The following USP28 variants were observed in gnomAD, a reference collection of about 807,000 sequenced individuals.
The protein encoded by USP28 is ubiquitin specific peptidase 28, also known as ubiquitin carboxyl-terminal hydrolase 28.
USP28 carries 113 observed loss-of-function variants against 145.0 expected under a neutral mutation model. The observed-to-expected ratio is 0.78, with a 90% CI of 0.67 to 0.91. The LOEUF is 0.91. Ranked by LOEUF, USP28 falls within the 40% of genes least tolerant of loss-of-function variation. The pLI is 0.00. For missense variants in USP28, 1,201 were observed against 1,289.6 expected (o/e 0.93, Z 1.05); for synonymous variants, 447 against 450.9 (o/e 0.99, Z 0.11).
exon 22 of USP28, chr11:113,803,820 G>A: frequency 6.2e-7 from 1 of 1,613,912 alleles, no homozygotes; most frequent in Non-Finnish European, 8.5e-7. Context: ...TAGAGTTCTA[G>A]GCCTGTTAGG....
intron 1 of USP28, 101 bp downstream of exon 1, chr11:113,875,344 G>A: frequency 2.0e-6 from 2 of 998,164 alleles, no homozygotes; most frequent in South Asian, 4.8e-5. Flanking sequence ...CCCGGCCGGG[G>A]CGCCCTCCGC....
At chr11:113,862,304 G>A (rs530477225) in intron 1 of USP28, among the ~76,000 whole-genome samples, 14 of 152,286 alleles carry the variant, frequency 9.2e-5, no homozygotes, top group East Asian at 5.8e-4. Context: ...CTGAGACTGC[G>A]CCACTGTACT....
rs772645839 is a variant in USP28, at chr11:113,808,154, G to A, written c.2304+144C>T. 1.3e-6 allele frequency: 2 copies of A among 1,518,954 alleles called. No homozygotes were observed. Among genetic ancestry groups the A allele is most frequent in the Admixed American group, 4.1e-5 (2 of 48,378 alleles). 94.1% of individuals were successfully genotyped at this position (1,518,954 alleles called of 1,614,324 possible). On this transcript the variant is annotated intron_variant, in intron 18 of 24. Transcript: ENST00000003302. Reference sequence around the variant, plus strand: ...TCTTTAAGCTGTGGCAGCAGAGTGGGGAGAAAGAGTAAGAAAAAACAGGAG... The same window carrying A: ...TCTTTAAGCTGTGGCAGCAGAGTGGAGAGAAAGAGTAAGAAAAAACAGGAG...
At chr11:113,870,338 G>A (rs990907250) in intron 1 of USP28, among the ~76,000 whole-genome samples, 1 of 152,116 alleles carries the variant, frequency 6.6e-6, no homozygotes, top group East Asian at 1.9e-4. Flanking sequence ...ACCAGCCTGG[G>A]CAACATAGCA....
intron 7 of USP28, 53 bp downstream of exon 7, chr11:113,833,367 A>G (rs1944228024): frequency 6.3e-7 from 1 of 1,599,344 alleles, no homozygotes; most frequent in Non-Finnish European, 8.5e-7. Context: ...GCAGTACCGC[A>G]TTAACACTGA....
At chr11:113,823,350 G>C (rs147401586) in intron 12 of USP28, among the ~76,000 whole-genome samples, 2 of 152,118 alleles carry the variant, frequency 1.3e-5, no homozygotes, top group Non-Finnish European at 2.9e-5. Flanking sequence ...TCAGAACTCA[G>C]TTTCTCCTTG....
intron 3 of USP28, among the ~76,000 whole-genome samples, chr11:113,851,299 C>T (rs1946416970): frequency 6.6e-6 from 1 of 152,158 alleles, no homozygotes; most frequent in Non-Finnish European, 1.5e-5. Context: ...AAAGGCTACC[C>T]ACCTAACTCA....
At chr11:113,808,833 C>A (rs142600970) in intron 17 of USP28, among the ~76,000 whole-genome samples, 1 of 152,234 alleles carries the variant, frequency 6.6e-6, no homozygotes, top group African/African-American at 2.4e-5. Context: ...AAACTATATA[C>A]ACAGTGAAGG....
chr11:113,867,396 A>C (rs1432005945), intron 1 of USP28, among the ~76,000 whole-genome samples: 1 of 152,012 alleles, frequency 6.6e-6, no homozygotes, highest in African/African-American at 2.4e-5. Context: ...CCTCCCAAGT[A>C]GCTGGAATTA....
At chr11:113,874,193 T>C (rs1299916990) in intron 1 of USP28, among the ~76,000 whole-genome samples, 2 of 147,830 alleles carry the variant, frequency 1.4e-5, no homozygotes, top group African/African-American at 5.0e-5. Flanking sequence ...GGCTCACGCC[T>C]GTAATCCCAG....
chr11:113,843,671 CAAAAAAA>C (rs573054023), intron 3 of USP28, among the ~76,000 whole-genome samples: 1 of 61,936 alleles, frequency 1.6e-5, no homozygotes. Context: ...AACTCTATCT[CAAAAAAA>C]AAAAAAAAAA....
chr11:113,859,022 A>G (rs1302715175), intron 1 of USP28, among the ~76,000 whole-genome samples: 1 of 152,222 alleles, frequency 6.6e-6, no homozygotes, highest in East Asian at 1.9e-4. Context: ...ATGAGAACTA[A>G]CATTTATTGA....
At position 113,799,430 on chromosome 11, in the gene USP28, C is replaced by G; in HGVS notation, c.3059-15G>C. The G allele has an allele frequency of 6.2e-7, 1 of 1,610,786 alleles. No homozygotes were observed. Among genetic ancestry groups the G allele is most frequent in the Non-Finnish European group, 8.5e-7 (1 of 1,178,544 alleles). On this transcript the variant is annotated splice_polypyrimidine_tract_variant and intron_variant, in intron 24 of 24. Transcript: ENST00000003302. ...CTGCAGATTTTCTGTGGAGGGAAAA[C>G]AGATGGTTACATATACAGCTAAACA...
chr11:113,827,255 G>A, exon 11 of USP28: 3 of 1,610,014 alleles, frequency 1.9e-6, no homozygotes, highest in Non-Finnish European at 2.5e-6. Flanking sequence ...ATAATCTGAG[G>A]AAATTCCAGC....
chr11:113,862,823 GAC>G (rs751860245), intron 1 of USP28, among the ~76,000 whole-genome samples: 23 of 152,076 alleles, frequency 1.5e-4, no homozygotes, highest in Non-Finnish European at 2.6e-4. Flanking sequence ...AAAAACATCT[GAC>G]AAAATCCAAC....
At chr11:113,835,467 C>T in intron 5 of USP28, 1 of 401,122 alleles carries the variant, frequency 2.5e-6, no homozygotes, top group Non-Finnish European at 4.9e-6. Context: ...GTGCACCTCT[C>T]TGGCTTCCCT....
At chr11:113,840,931 T>C (rs562446392) in intron 4 of USP28, among the ~76,000 whole-genome samples, 174 bp from the exon 5 acceptor site, 2 of 152,306 alleles carry the variant, frequency 1.3e-5, no homozygotes, top group Non-Finnish European at 2.9e-5. Flanking sequence ...AAAAGCAAGA[T>C]TTATACATAG....
At chr11:113,808,410 A>C in exon 18 of USP28, 1 of 1,614,120 alleles carries the variant, frequency 6.2e-7, no homozygotes, top group South Asian at 1.1e-5. Context: ...CAAGCAGCGA[A>C]CCCCATGAGA....
At position 113,806,595 on chromosome 11, in the gene USP28, G is replaced by A. The variant is rs1940012349; in HGVS notation, c.2305-11C>T. The A allele has an allele frequency of 3.2e-6, 5 of 1,538,998 alleles. No homozygotes were observed. The highest frequency in any genetic ancestry group is 4.4e-6 in the Non-Finnish European group (5 of 1,143,812). Reference sequence around the variant, plus strand: ...AGGGCTCAGCATCACCTACCACAAGGGGGCACAAAACACAGAGAGAAAGGA... The same window carrying A: ...AGGGCTCAGCATCACCTACCACAAGAGGGCACAAAACACAGAGAGAAAGGA... On this transcript the variant is annotated splice_polypyrimidine_tract_variant and intron_variant, in intron 18 of 24. Coordinates refer to ENST00000003302, the Ensembl canonical transcript of USP28.
Sources: gnomAD v4.1 joint callset for allele counts (sites outside exome capture counted in the v4.1 genomes callset) on GRCh38, gnomAD v4.1.1 for gene constraint, MANE v1.5 for transcripts, NCBI Gene and HGNC (gene_info 2026-07-23, HGNC 2026-07-21) for gene names.